MAPK10: variants seen among roughly 807,000 people sequenced by gnomAD.
The protein encoded by MAPK10 is mitogen-activated protein kinase 10.
In MAPK10, 25 loss-of-function variants were observed where a neutral mutation model predicts 59.3. That is an observed-to-expected ratio of 0.42 (90% CI 0.31 to 0.59). MAPK10 has a LOEUF of 0.59. MAPK10 is among the 20% of genes least tolerant of loss of function. MAPK10 has a pLI of 0.15. For missense variants in MAPK10, 351 were observed against 568.9 expected (o/e 0.62, Z 3.90); for synonymous variants, 190 against 200.5 (o/e 0.95, Z 0.44).
chr4:86,113,725 G>T (rs2057893081), intron 4 of MAPK10, among the ~76,000 whole-genome samples: 1 of 152,094 alleles, frequency 6.6e-6, no homozygotes, highest in Admixed American at 6.6e-5. Context: ...TCTCACCGGG[G>T]TTCTTTGGAT....
At chr4:86,501,293 A>G (rs970600459) in intron 1 of MAPK10, among the ~76,000 whole-genome samples, 1 of 152,046 alleles carries the variant, frequency 6.6e-6, no homozygotes, top group African/African-American at 2.4e-5. Flanking sequence ...TATTTTATAT[A>G]TAGTCTTCAA....
At chr4:86,179,818 C>A (rs774826990) in intron 3 of MAPK10, among the ~76,000 whole-genome samples, 2 of 152,018 alleles carry the variant, frequency 1.3e-5, no homozygotes, top group Admixed American at 6.6e-5. Flanking sequence ...ATATCTCTCA[C>A]AATAAACAAA....
intron 4 of MAPK10, chr4:86,125,851 A>T (rs1325427647): frequency 6.6e-6 from 1 of 152,086 alleles, no homozygotes; most frequent in Non-Finnish European, 1.5e-5. Flanking sequence ...CTCTCAAAGT[A>T]GCCTTGTAGT....
chr4:86,469,203 G>A (rs888853251), intron 1 of MAPK10, among the ~76,000 whole-genome samples: 9 of 146,670 alleles, frequency 6.1e-5, no homozygotes, highest in Non-Finnish European at 1.1e-4. Context: ...CCCTATGATC[G>A]CACCACTGCA....
chr4:86,278,999 T>C (rs1261405448), intron 2 of MAPK10, among the ~76,000 whole-genome samples: 1 of 152,160 alleles, frequency 6.6e-6, no homozygotes, highest in Non-Finnish European at 1.5e-5. Flanking sequence ...TATGTTAAAG[T>C]TCATCATTTG....
intron 1 of MAPK10, among the ~76,000 whole-genome samples, chr4:86,495,032 G>A (rs1754770188): frequency 6.6e-6 from 1 of 151,840 alleles, no homozygotes; most frequent in African/African-American, 2.4e-5. Context: ...TAGAATTAAG[G>A]TCCAGAAAAA....
chr4:86,122,734 AATAAG>A (rs1326386078), intron 4 of MAPK10, among the ~76,000 whole-genome samples: 3 of 152,060 alleles, frequency 2.0e-5, no homozygotes, highest in African/African-American at 4.8e-5. Flanking sequence ...TTAGGGAATA[AATAAG>A]ATAAATTTTT....
intron 2 of MAPK10, among the ~76,000 whole-genome samples, chr4:86,288,223 T>C (rs1479065843): frequency 6.6e-6 from 1 of 151,978 alleles, no homozygotes; most frequent in African/African-American, 2.4e-5. Flanking sequence ...GTGCACAATG[T>C]GCAGGTTAGT....
intron 1 of MAPK10, among the ~76,000 whole-genome samples, chr4:86,520,548 T>G (rs1034907655): frequency 2.6e-5 from 4 of 152,232 alleles, no homozygotes; most frequent in Admixed American, 6.5e-5. Flanking sequence ...TTTAAGTTGG[T>G]TTTCATCTCT....
intron 9 of MAPK10, among the ~76,000 whole-genome samples, chr4:86,076,832 C>A (rs551281481): frequency 2.0e-5 from 3 of 152,132 alleles, no homozygotes; most frequent in African/African-American, 7.2e-5. Context: ...TGACCAAAAC[C>A]ATTTTTTGTA....
At chr4:86,278,701 A>G in intron 2 of MAPK10, among the ~76,000 whole-genome samples, 1 of 152,186 alleles carries the variant, frequency 6.6e-6, no homozygotes, top group East Asian at 1.9e-4. Flanking sequence ...TAACATCACT[A>G]GTAATATGAC....
intron 5 of MAPK10, among the ~76,000 whole-genome samples, chr4:86,104,780 C>T (rs186191571): frequency 1.3e-4 from 19 of 151,976 alleles, no homozygotes; most frequent in Non-Finnish European, 2.1e-4. Context: ...AGATCTATTC[C>T]CTACTGTATG....
chr4:86,036,263 T>G (rs1366516347), intron 11 of MAPK10, among the ~76,000 whole-genome samples: 1 of 152,104 alleles, frequency 6.6e-6, no homozygotes, highest in Non-Finnish European at 1.5e-5. Context: ...CAGATAGATC[T>G]TCGGTGGAGG....
At chr4:86,222,801 C>T (rs2089922891) in intron 2 of MAPK10, among the ~76,000 whole-genome samples, 1 of 152,200 alleles carries the variant, frequency 6.6e-6, no homozygotes, top group South Asian at 2.1e-4. Flanking sequence ...TGTTTGAAGG[C>T]AACTTCTAAA....
rs201317785 is a variant in MAPK10 at position 86,439,104 on chromosome 4, AT to A, written c.-122+13925del. On this transcript the variant is annotated intron_variant, in intron 1 of 13. Coordinates refer to the MAPK10 transcript ENST00000361569. ...TTTATTTTTATTTTCATTTTTAAAA[AT>A]TTTTATTTGCCTTTTTAATTTACCT... 6.0e-3 allele frequency among the ~76,000 whole-genome samples: 920 copies of A among 152,240 alleles called. 7 individuals carry two copies. Among genetic ancestry groups the A allele is most frequent in the African/African-American group, 0.02 (822 of 41,536 alleles).
At chr4:86,145,489 G>A (rs549798274) in intron 4 of MAPK10, among the ~76,000 whole-genome samples, 47 of 151,390 alleles carry the variant, frequency 3.1e-4, no homozygotes, top group Non-Finnish European at 5.4e-4. Context: ...CAATGTTTCT[G>A]TTTCACAAAG....
intron 2 of MAPK10, among the ~76,000 whole-genome samples, chr4:86,249,117 G>A (rs2093279015): frequency 6.6e-6 from 1 of 152,144 alleles, no homozygotes. Flanking sequence ...TCCCTTGTGA[G>A]GAGAAACTAA....
Position 86,159,402 on chromosome 4 carries a change from A to G in MAPK10, c.132T>C (p.Val44=). 1 of 1,612,850 alleles carries G rather than the reference A, an allele frequency of 6.2e-7. No homozygotes were observed. Among genetic ancestry groups the G allele is most frequent in the East Asian group, 2.2e-5 (1 of 44,848 alleles). Reference sequence around the variant, plus strand: ...CTTCCACACTGTAGAACTGGTTGTCAACTTTGCTTTTGCTCATGTTGTAAT... The same window carrying G: ...CTTCCACACTGTAGAACTGGTTGTCGACTTTGCTTTTGCTCATGTTGTAAT... ...AKHYNMSKSK[V]DNQFYSVEVG... Residue 44 remains valine, a synonymous_variant, in exon 4 of 14, where the codon GTT becomes GTC. Transcript: ENST00000641462.
chr4:86,052,090 T>G (rs114396789), intron 11 of MAPK10, among the ~76,000 whole-genome samples: 1 of 152,142 alleles, frequency 6.6e-6, no homozygotes, highest in Non-Finnish European at 1.5e-5. Flanking sequence ...ATAATGTTAA[T>G]AGTTTTTTTA....
Sources: allele counts gnomAD v4.1 joint callset (sites outside exome capture counted in the v4.1 genomes callset), GRCh38; gene constraint gnomAD v4.1.1; transcripts MANE v1.5; gene names NCBI Gene and HGNC (gene_info 2026-07-23, HGNC 2026-07-21).